Variants in TIGAR observed in about 807,000 individuals in gnomAD.
The protein encoded by TIGAR is fructose-2,6-bisphosphatase TIGAR.
In TIGAR, 7 loss-of-function variants were observed where a neutral mutation model predicts 17.9. The observed-to-expected ratio is 0.39, with a 90% CI of 0.22 to 0.73. The LOEUF (loss-of-function observed/expected upper bound fraction) is 0.73. Ranked by LOEUF, TIGAR falls within the 30% of genes least tolerant of loss-of-function variation. The pLI, the probability that TIGAR is intolerant of heterozygous loss-of-function variation, is 0.42. For synonymous variants in TIGAR, 94 were observed against 108.6 expected (o/e 0.87, Z 0.84); for missense variants, 258 against 327.4 (o/e 0.79, Z 1.64).
intron 1 of TIGAR, chr12:4,324,238 T>C (rs540491571): frequency 4.9e-6 from 3 of 607,374 alleles, no homozygotes; most frequent in South Asian, 2.0e-5. Flanking sequence ...TACCATCACC[T>C]ATCCAGCACT....
intron 1 of TIGAR, among the ~76,000 whole-genome samples, chr12:4,327,410 G>GA (rs541221100): frequency 4.2e-3 from 357 of 85,014 alleles, no homozygotes; most frequent in African/African-American, 6.9e-3. Flanking sequence ...CCCCATCTCA[G>GA]AAAAAAAAAA....
chr12:4,327,572 A>T (rs562166961), intron 1 of TIGAR, among the ~76,000 whole-genome samples: 1 of 152,320 alleles, frequency 6.6e-6, no homozygotes, highest in African/African-American at 2.4e-5. Context: ...GGTTTTTATT[A>T]CAGGAATATA....
rs563644606 is a variant in TIGAR, at chr12:4,357,582, C to T, written c.*4891C>T. ...AAGTATGTGTCAGTTCCTTTGTGTC[C>T]AAACAAGATGGCTAAGTAGGTCGTC... On this transcript the variant is annotated 3_prime_UTR_variant, in exon 6 of 6. Transcript: ENST00000179259. Among the ~76,000 whole-genome samples, 1 of 152,202 alleles carries T rather than the reference C, an allele frequency of 6.6e-6. No homozygotes were observed. Among genetic ancestry groups the T allele is most frequent in the East Asian group, 1.9e-4 (1 of 5,188 alleles).
intron 3 of TIGAR, among the ~76,000 whole-genome samples, chr12:4,338,150 A>G (rs1382402221): frequency 6.6e-6 from 1 of 152,072 alleles, no homozygotes; most frequent in East Asian, 1.9e-4. Flanking sequence ...AAGTAAAATT[A>G]AAAACGAACC....
At chr12:4,348,084 C>T (rs1591665274) in intron 3 of TIGAR, among the ~76,000 whole-genome samples, 2 of 151,950 alleles carry the variant, frequency 1.3e-5, no homozygotes, top group East Asian at 1.9e-4. Flanking sequence ...TGCAGTGAAT[C>T]GTGATTGTGT....
intron 1 of TIGAR, 45 bp from the exon 2 acceptor site, chr12:4,331,235 C>G: frequency 6.5e-7 from 1 of 1,544,970 alleles, no homozygotes; most frequent in Non-Finnish European, 8.9e-7. Context: ...CTCTCAAAAA[C>G]AGTATAATTT....
chr12:4,339,485 C>G (rs553201472), intron 3 of TIGAR, among the ~76,000 whole-genome samples: 1 of 152,250 alleles, frequency 6.6e-6, no homozygotes, highest in Non-Finnish European at 1.5e-5. Context: ...AGTACTAATA[C>G]CAATCCTACT....
At position 4,337,291 on chromosome 12, in the gene TIGAR, C is replaced by A. The variant is rs1591661989; in HGVS notation, c.192+131C>A. On this transcript the variant is annotated intron_variant, in intron 3 of 5. Coordinates refer to ENST00000179259, the MANE Select transcript of TIGAR (RefSeq NM_020375.3). ...AAGTGATTCTGATGCCTCAGCCTCC[C>A]AATAGCTGGGATTACAGGTGTGTGC... 1.5e-5 allele frequency: 8 copies of A among 544,740 alleles called. No individual in the cohort carries two copies. In the East Asian group the frequency reaches 1.9e-4, roughly 13 times the overall value. 33.7% of individuals were successfully genotyped at this position (544,740 alleles called of 1,614,324 possible).
chr12:4,325,654 A>C (rs1864537975), intron 1 of TIGAR, among the ~76,000 whole-genome samples: 1 of 151,182 alleles, frequency 6.6e-6, no homozygotes, highest in African/African-American at 2.4e-5. Context: ...AGGCAGGAGA[A>C]TCTCTTGAAC....
At chr12:4,329,328 C>CTTTTTTTTT (rs34584528) in intron 1 of TIGAR, among the ~76,000 whole-genome samples, 1 of 73,264 alleles carries the variant, frequency 1.4e-5, no homozygotes, top group Non-Finnish European at 2.4e-5. Context: ...AGCTAATGAT[C>CTTTTTTTTT]TTTTTTTTTT....
chr12:4,338,362 T>C (rs936759137), intron 3 of TIGAR, among the ~76,000 whole-genome samples: 5 of 151,964 alleles, frequency 3.3e-5, no homozygotes, highest in Non-Finnish European at 7.4e-5. Flanking sequence ...CCCTAGGGAG[T>C]GTCCTGGTTT....
At chr12:4,341,627 A>G (rs558219020) in intron 3 of TIGAR, among the ~76,000 whole-genome samples, 88 of 152,348 alleles carry the variant, frequency 5.8e-4, no homozygotes, top group Non-Finnish European at 1.1e-3. Context: ...CCAGGCAAAC[A>G]GGGTCTGGAG....
chr12:4,329,584 A>G (rs543881010), intron 1 of TIGAR, among the ~76,000 whole-genome samples: 1 of 151,936 alleles, frequency 6.6e-6, no homozygotes, highest in East Asian at 1.9e-4. Context: ...TGATCTACCC[A>G]CCTCGGACTC....
At chr12:4,337,204 A>T (rs757984156) in intron 3 of TIGAR, 44 bp downstream of exon 3, 1 of 1,497,118 alleles carries the variant, frequency 6.7e-7, no homozygotes, top group Non-Finnish European at 9.2e-7. Flanking sequence ...GCGTCACTCT[A>T]TGCCCAGGCT....
chr12:4,322,759 C>T (rs769039483), intron 1 of TIGAR, among the ~76,000 whole-genome samples: 5 of 152,132 alleles, frequency 3.3e-5, no homozygotes, highest in Non-Finnish European at 7.4e-5. Flanking sequence ...TTAGGATTAG[C>T]AGGATTTTAA....
At chr12:4,340,859 C>T (rs998996079) in intron 3 of TIGAR, among the ~76,000 whole-genome samples, 1 of 152,096 alleles carries the variant, frequency 6.6e-6, no homozygotes, top group Non-Finnish European at 1.5e-5. Flanking sequence ...GAAACTAGAC[C>T]CCTGTCTTTC....
intron 3 of TIGAR, 52 bp downstream of exon 3, chr12:4,337,212 G>C (rs1299604936): frequency 2.1e-6 from 3 of 1,433,074 alleles, no homozygotes; most frequent in Non-Finnish European, 2.9e-6. Flanking sequence ...CTATGCCCAG[G>C]CTGGAGTGCA....
intron 1 of TIGAR, chr12:4,324,499 T>G (rs1864516208): frequency 1.2e-6 from 2 of 1,608,562 alleles, no homozygotes; most frequent in Non-Finnish European, 1.7e-6. Context: ...GATCTCCACC[T>G]GGTTGAAGGT....
In TIGAR at chr12:4,356,618, T is replaced by C. The variant is rs1565452760; in HGVS notation, c.*3927T>C. Among the ~76,000 whole-genome samples, 3 of 152,102 alleles carry C rather than the reference T, an allele frequency of 2.0e-5. No homozygotes were observed. Among genetic ancestry groups the C allele is most frequent in the African/African-American group, 7.2e-5 (3 of 41,426 alleles). On this transcript the variant is annotated 3_prime_UTR_variant, in exon 6 of 6. Transcript: ENST00000179259. Reference sequence around the variant, plus strand: ...CTGAAACCCATAGTTTACATTAGGGTTCATTCTTGGTGTTGCATGATCTGT... The same window carrying C: ...CTGAAACCCATAGTTTACATTAGGGCTCATTCTTGGTGTTGCATGATCTGT...
Sources: allele counts gnomAD v4.1 joint callset (sites outside exome capture counted in the v4.1 genomes callset), GRCh38; gene constraint gnomAD v4.1.1; transcripts MANE v1.5; gene names NCBI Gene and HGNC (gene_info 2026-07-23, HGNC 2026-07-21).